The following ANK2 variants were observed in gnomAD, a reference collection of about 807,000 sequenced individuals.
ANK2 encodes ankyrin 2.
In ANK2, 83 loss-of-function variants were observed where a neutral mutation model predicts 360.5. The observed-to-expected ratio is 0.23, with a 90% confidence interval of 0.19 to 0.28. The LOEUF (loss-of-function observed/expected upper bound fraction) is 0.28. Ranked by LOEUF, ANK2 falls within the 10% of genes least tolerant of loss-of-function variation. ANK2 has a pLI of 1.00. For missense variants in ANK2, 4,201 were observed against 4,795.7 expected, an observed-to-expected ratio of 0.88 and a Z score of 3.66; for synonymous variants, 1,740 against 1,759.5, an observed-to-expected ratio of 0.99 and a Z score of 0.28.
the ANK2 span, among the ~76,000 whole-genome samples, chr4:112,742,549 G>T: frequency 2.6e-5 from 4 of 151,946 alleles, no homozygotes; most frequent in Non-Finnish European, 4.4e-5. Flanking sequence ...TTAGACAATG[G>T]TTATCCATAA....
At chr4:112,929,331 G>A (rs1002707214) in intron 2 of ANK2, among the ~76,000 whole-genome samples, 1 of 152,118 alleles carries the variant, frequency 6.6e-6, no homozygotes, top group African/African-American at 2.4e-5. Flanking sequence ...TTCTCTTATT[G>A]GCTTGAAAAT....
chr4:112,922,373 T>A (rs1007567405), intron 2 of ANK2, among the ~76,000 whole-genome samples: 12 of 152,198 alleles, frequency 7.9e-5, no homozygotes, highest in Admixed American at 6.5e-5. Context: ...ACTATCCACA[T>A]GGGCCGCATT....
chr4:113,351,286 A>T (rs754875935), intron 37 of ANK2, among the ~76,000 whole-genome samples: 4 of 152,168 alleles, frequency 2.6e-5, no homozygotes, highest in Non-Finnish European at 5.9e-5. Flanking sequence ...GTGGCCCTAC[A>T]CAATGATCTG....
At chr4:113,174,553 G>A (rs369879683) in intron 2 of ANK2, 36 bp downstream of exon 2, 18 of 1,424,350 alleles carry the variant, frequency 1.3e-5, no homozygotes, top group African/African-American at 1.1e-4. Flanking sequence ...GTTGTGCAAC[G>A]AAGGAACACT....
intron 1 of ANK2, among the ~76,000 whole-genome samples, chr4:112,830,603 G>A (rs979997676): frequency 6.8e-6 from 1 of 146,254 alleles, no homozygotes; most frequent in Non-Finnish European, 1.5e-5. Context: ...CCTGTAACAT[G>A]CAATTATTAT....
chr4:113,379,430 A>G (rs571935223), intron 45 of ANK2, among the ~76,000 whole-genome samples: 36 of 152,330 alleles, frequency 2.4e-4, no homozygotes, highest in Non-Finnish European at 3.8e-4. Context: ...CATTTATTTT[A>G]TACATTGTTA....
At chr4:113,372,008 A>G (rs1481668814) in intron 43 of ANK2, among the ~76,000 whole-genome samples, 2 of 152,182 alleles carry the variant, frequency 1.3e-5, no homozygotes, top group African/African-American at 4.8e-5. Flanking sequence ...AATATTATTC[A>G]TAGTCTACCT....
chr4:112,902,260 T>G (rs934357171), intron 1 of ANK2, among the ~76,000 whole-genome samples: 2 of 152,222 alleles, frequency 1.3e-5, no homozygotes, highest in African/African-American at 4.8e-5. Context: ...TCTTTGGCAG[T>G]CTCTTGAAAT....
At chr4:113,088,703 C>A (rs1255202539) in intron 1 of ANK2, among the ~76,000 whole-genome samples, 1 of 152,018 alleles carries the variant, frequency 6.6e-6, no homozygotes, top group Non-Finnish European at 1.5e-5. Flanking sequence ...TAACATTTAT[C>A]TGTAGATGGG....
chr4:112,899,168 A>G (rs1457871312), intron 1 of ANK2, among the ~76,000 whole-genome samples: 1 of 152,194 alleles, frequency 6.6e-6, no homozygotes, highest in African/African-American at 2.4e-5. Flanking sequence ...AGACTTGAAT[A>G]TCTTTATGCA....
At chr4:113,121,723 A>T (rs115064776) in intron 1 of ANK2, among the ~76,000 whole-genome samples, 1,900 of 152,182 alleles carry the variant, frequency 0.012, 35 homozygotes, top group African/African-American at 0.04. Context: ...TAGAAAATTA[A>T]AAAAAAGCCT....
the ANK2 span, among the ~76,000 whole-genome samples, chr4:112,728,550 A>C: frequency 6.6e-6 from 1 of 151,964 alleles, no homozygotes; most frequent in Non-Finnish European, 1.5e-5. Context: ...CAGGAGTTCA[A>C]GATCAGCCTG....
chr4:112,765,881 C>G, the ANK2 span, among the ~76,000 whole-genome samples: 4 of 152,132 alleles, frequency 2.6e-5, no homozygotes, highest in Admixed American at 2.6e-4. Context: ...CATATATTGA[C>G]CAGAGGCCAC....
At chr4:113,342,056 A>T (rs2094359735) in intron 33 of ANK2, 140 bp downstream of exon 33, 2 of 893,562 alleles carry the variant, frequency 2.2e-6, no homozygotes, top group Admixed American at 2.3e-5. Flanking sequence ...TTAGAAGGTC[A>T]ACATCCAAAA....
intron 1 of ANK2, among the ~76,000 whole-genome samples, chr4:112,866,352 A>T (rs2070525317): frequency 6.6e-6 from 1 of 152,238 alleles, no homozygotes; most frequent in Non-Finnish European, 1.5e-5. Context: ...CTTAGTCAAC[A>T]TATGGGAAGG....
At chr4:113,264,417 T>C (rs1383473130) in intron 13 of ANK2, among the ~76,000 whole-genome samples, 1 of 152,146 alleles carries the variant, frequency 6.6e-6, no homozygotes, top group African/African-American at 2.4e-5. Flanking sequence ...ATCACCAAAA[T>C]CAATTTAAAG....
rs984199956 is a variant in ANK2, at chr4:113,339,412, A to G, written c.3893+90A>G. ...TTTTATTTTGTTTCTTTATTGTTTA[A>G]AAGTTATTTTTTCATTGGATTTTAA... On this transcript the variant is annotated intron_variant, in intron 32 of 45. Transcript: ENST00000357077. 4.6e-6 allele frequency: 5 copies of G among 1,075,426 alleles called. No individual in the cohort carries two copies. The African/African-American group carries it at 6.4e-5, about 14-fold the overall frequency. 66.6% of individuals were successfully genotyped at this position (1,075,426 alleles called of 1,614,324 possible). A position where few individuals can be genotyped will look rare whatever the true frequency, so the allele number is the denominator to read the frequency against.
chr4:112,896,090 A>G (rs1208414681), intron 1 of ANK2, among the ~76,000 whole-genome samples: 1 of 152,248 alleles, frequency 6.6e-6, no homozygotes, highest in African/African-American at 2.4e-5. Context: ...AGTCTCTGAC[A>G]GAGAAAAAGG....
chr4:113,064,197 T>C (rs1220044423), intron 1 of ANK2, among the ~76,000 whole-genome samples: 1 of 152,182 alleles, frequency 6.6e-6, no homozygotes, highest in African/African-American at 2.4e-5. Flanking sequence ...TCATTAATTT[T>C]TCTTTTTAGG....
Sources: allele counts gnomAD v4.1 joint callset (sites outside exome capture counted in the v4.1 genomes callset), GRCh38; gene constraint gnomAD v4.1.1; transcripts MANE v1.5; gene names NCBI Gene and HGNC (gene_info 2026-07-23, HGNC 2026-07-21).